EXD2: variants seen among roughly 807,000 people sequenced by gnomAD.
The protein encoded by EXD2 is exonuclease 3'-5' domain-containing protein 2.
In EXD2, 40 loss-of-function variants were observed where a neutral mutation model predicts 62.5. That is an observed-to-expected ratio of 0.64 (90% CI 0.50 to 0.83). The LOEUF (loss-of-function observed/expected upper bound fraction) is 0.83. Among genes scored for constraint, EXD2 ranks in the 40% least tolerant of loss-of-function variants. The pLI is 0.00. For synonymous variants in EXD2, 239 were observed against 291.9 expected (o/e 0.82, Z 1.85); for missense variants, 671 against 761.8 (o/e 0.88, Z 1.40).
At chr14:69,226,303 C>G (rs1471135077) in intron 3 of EXD2, among the ~76,000 whole-genome samples, 1 of 152,190 alleles carries the variant, frequency 6.6e-6, no homozygotes, top group Non-Finnish European at 1.5e-5. Flanking sequence ...GTAACCTTGG[C>G]TGAGCCTCAA....
chr14:69,225,872 A>G (rs1204656733), intron 3 of EXD2, among the ~76,000 whole-genome samples: 2 of 152,244 alleles, frequency 1.3e-5, no homozygotes, highest in Non-Finnish European at 2.9e-5. Context: ...TAGTGGAATC[A>G]TAAACATTTG....
chr14:69,228,568 G>A (rs1487586330), intron 3 of EXD2, among the ~76,000 whole-genome samples: 3 of 152,014 alleles, frequency 2.0e-5, no homozygotes, highest in East Asian at 3.9e-4. Flanking sequence ...TCGGCTGGTC[G>A]CTGTTTATGG....
At chr14:69,204,646 A>C (rs2042524144) in intron 2 of EXD2, among the ~76,000 whole-genome samples, 1 of 152,188 alleles carries the variant, frequency 6.6e-6, no homozygotes, top group Non-Finnish European at 1.5e-5. Flanking sequence ...AGGGATCGAA[A>C]AGCTTGGATC....
intron 5 of EXD2, among the ~76,000 whole-genome samples, chr14:69,233,299 A>G (rs2043650265): frequency 6.6e-6 from 1 of 152,164 alleles, no homozygotes; most frequent in Non-Finnish European, 1.5e-5. Context: ...TACTAATAGA[A>G]TTATTCACTG....
At chr14:69,211,246 G>A (rs986648705) in intron 3 of EXD2, among the ~76,000 whole-genome samples, 7 of 151,920 alleles carry the variant, frequency 4.6e-5, no homozygotes, top group Admixed American at 2.0e-4. Flanking sequence ...TTTCAACAGT[G>A]TTCACAGCAT....
At chr14:69,220,253 G>GT (rs869194045) in intron 3 of EXD2, among the ~76,000 whole-genome samples, 450 of 35,112 alleles carry the variant, frequency 0.013, 151 homozygotes, top group Non-Finnish European at 0.017. Context: ...TTGTCTCTCT[G>GT]TTTTTTTTTT....
At chr14:69,221,499 T>C (rs1201817302) in intron 3 of EXD2, among the ~76,000 whole-genome samples, 1 of 152,180 alleles carries the variant, frequency 6.6e-6, no homozygotes, top group Non-Finnish European at 1.5e-5. Context: ...GTGTAGTGGC[T>C]CATGCCTGTA....
intron 1 of EXD2, among the ~76,000 whole-genome samples, chr14:69,195,460 A>C (rs2042173814): frequency 6.6e-6 from 1 of 152,096 alleles, no homozygotes; most frequent in Non-Finnish European, 1.5e-5. Context: ...GCCTTCCAAA[A>C]TGCTGGGATT....
chr14:69,208,866 G>C (rs1274942992), intron 2 of EXD2: 1 of 152,200 alleles, frequency 6.6e-6, no homozygotes, highest in Admixed American at 6.5e-5. Context: ...TGGAGCAACA[G>C]AAAGTGTTGA....
intron 3 of EXD2, among the ~76,000 whole-genome samples, chr14:69,212,149 G>A (rs1474659648): frequency 6.6e-6 from 1 of 152,140 alleles, no homozygotes; most frequent in Non-Finnish European, 1.5e-5. Flanking sequence ...GCCGAGGCGG[G>A]CAGATCACTT....
At chr14:69,209,948 G>GCTTCTTCTTCTGCTAA in intron 3 of EXD2, 145 bp downstream of exon 3, 1 of 645,964 alleles carries the variant, frequency 1.5e-6, no homozygotes, top group Non-Finnish European at 2.5e-6. Context: ...GATTTTAGCA[G>GCTTCTTCTTCTGCTAA]AAGAAGAAGC....
At chr14:69,209,390 G>A in intron 2 of EXD2, 34 bp from the exon 3 acceptor site, 18 of 1,199,424 alleles carry the variant, frequency 1.5e-5, no homozygotes, top group Non-Finnish European at 2.1e-5. Context: ...TTTATATTCT[G>A]TATATAAATA....
intron 9 of EXD2, among the ~76,000 whole-genome samples, chr14:69,238,246 A>G (rs1046215692): frequency 5.3e-5 from 8 of 152,198 alleles, no homozygotes; most frequent in African/African-American, 1.9e-4. Context: ...TACACATTCT[A>G]TGCAGACGTA....
chr14:69,196,417 C>T (rs2042206053), intron 1 of EXD2, among the ~76,000 whole-genome samples: 1 of 152,142 alleles, frequency 6.6e-6, no homozygotes, highest in South Asian at 2.1e-4. Context: ...AACTAATTGA[C>T]ATTTGAGTTG....
intron 3 of EXD2, chr14:69,227,974 GA>G (rs140651791): frequency 1.4e-4 from 22 of 151,984 alleles, no homozygotes; most frequent in African/African-American, 4.3e-4. Context: ...AAAATGCTGA[GA>G]AAGCACTTGG....
intron 3 of EXD2, among the ~76,000 whole-genome samples, chr14:69,216,886 A>G (rs530472300): frequency 9.8e-5 from 15 of 152,316 alleles, no homozygotes; most frequent in African/African-American, 2.6e-4. Context: ...GTAATACAAT[A>G]TATCATCATT....
chr14:69,243,819 G>A lies in EXD2; in HGVS notation c.*2719G>A, dbSNP rs1196713273. On this transcript the variant is annotated 3_prime_UTR_variant, in exon 10 of 10. Transcript: ENST00000685843. The stretch of plus-strand genomic sequence containing the variant: ...GGGCTTCATAGGAGTAGCAGTGAGA[G>A]GACAGTGTCACAGCAAGGGCCTCTC... 6.6e-6 allele frequency: 1 copy of A among 152,148 alleles called. No homozygotes were observed. Among genetic ancestry groups the A allele is most frequent in the African/African-American group, 2.4e-5 (1 of 41,418 alleles). The allele number at this position is 152,148 out of a possible 1,614,324, so 9.4% of individuals were successfully genotyped here.
chr14:69,202,088 C>G (rs959897421), intron 1 of EXD2, among the ~76,000 whole-genome samples: 1 of 152,076 alleles, frequency 6.6e-6, no homozygotes, highest in Non-Finnish European at 1.5e-5. Flanking sequence ...CTCAGGAGTT[C>G]AAGACCAGCC....
At chr14:69,230,113 A>G (rs754518303) in intron 4 of EXD2, among the ~76,000 whole-genome samples, 12 of 152,110 alleles carry the variant, frequency 7.9e-5, no homozygotes, top group Non-Finnish European at 1.6e-4. Flanking sequence ...GGCAGTGTGG[A>G]TAGAGGCTAA....
Sources: allele counts gnomAD v4.1 joint callset (sites outside exome capture counted in the v4.1 genomes callset), GRCh38; gene constraint gnomAD v4.1.1; transcripts MANE v1.5; gene names NCBI Gene and HGNC (gene_info 2026-07-23, HGNC 2026-07-21).